Variants in MSR1 observed in about 807,000 individuals in gnomAD.
The protein encoded by MSR1 is macrophage scavenger receptor types I and II.
In MSR1, 53 loss-of-function variants were observed where a neutral mutation model predicts 47.2. The observed-to-expected ratio is 1.12, with a 90% confidence interval of 0.90 to 1.41. The LOEUF is 1.41. Ranked by LOEUF, MSR1 falls within the 40% of genes most tolerant of loss-of-function variation. MSR1 has a pLI of 0.00. For missense variants in MSR1, 786 were observed against 546.9 expected (o/e 1.44, Z -4.36); for synonymous variants, 239 against 185.6 (o/e 1.29, Z -2.34).
At chr8:16,171,962 C>A (rs1563165084) in intron 3 of MSR1, among the ~76,000 whole-genome samples, 1 of 152,132 alleles carries the variant, frequency 6.6e-6, no homozygotes, top group Non-Finnish European at 1.5e-5. Flanking sequence ...CACTTCCTGG[C>A]ATGTAATAAG....
chr8:16,170,323 G>A (rs950134248), intron 3 of MSR1, among the ~76,000 whole-genome samples: 17 of 149,114 alleles, frequency 1.1e-4, no homozygotes, highest in Admixed American at 5.4e-4. Flanking sequence ...ACTCCAGCCT[G>A]GGCAACAGAG....
chr8:16,109,946 TATTA>T lies in MSR1; in HGVS notation c.*135_*138del. On this transcript the variant is annotated 3_prime_UTR_variant, in exon 10 of 10. Coordinates refer to ENST00000262101, the MANE Select transcript of MSR1 (RefSeq NM_138715.3). ...ATAGTAAGCATGAAGGTGTTCAATA[TATTA>T]ATCCTGTAATCTAAAATATTATTTG... 1.0e-6 allele frequency: 1 copy of T among 1,002,430 alleles called. No individual in the cohort carries two copies. The allele number at this position is 1,002,430 out of a possible 1,614,324, so 62.1% of individuals were successfully genotyped here.
chr8:16,165,778 G>A (rs755838501), intron 4 of MSR1, among the ~76,000 whole-genome samples: 2 of 152,102 alleles, frequency 1.3e-5, no homozygotes, highest in African/African-American at 2.4e-5. Flanking sequence ...TGTGCGTCTA[G>A]ATTTGCCTCT....
chr8:16,179,604 G>A (rs184263841), intron 1 of MSR1, among the ~76,000 whole-genome samples: 410 of 152,108 alleles, frequency 2.7e-3, no homozygotes, highest in African/African-American at 9.1e-3. Context: ...TATTGGCCGG[G>A]CACAGTGGCT....
intron 3 of MSR1, among the ~76,000 whole-genome samples, chr8:16,173,749 C>T (rs775408872): frequency 4.6e-5 from 7 of 152,124 alleles, no homozygotes; most frequent in Non-Finnish European, 8.8e-5. Flanking sequence ...CCTGGGTTCA[C>T]GCCATTCTCC....
chr8:16,143,497 T>G, intron 8 of MSR1, 61 bp downstream of exon 8: 1 of 1,450,860 alleles, frequency 6.9e-7, no homozygotes, highest in South Asian at 1.1e-5. Context: ...CCCAGATCTC[T>G]AGTATCACAG....
chr8:16,188,747 T>TGAGA (rs1430063442), intron 1 of MSR1, among the ~76,000 whole-genome samples: 1 of 151,990 alleles, frequency 6.6e-6, no homozygotes, highest in African/African-American at 2.4e-5. Flanking sequence ...CACTTATGAG[T>TGAGA]GAGAACATGC....
At chr8:16,119,307 C>G (rs1270313281) in intron 9 of MSR1, among the ~76,000 whole-genome samples, 1 of 151,746 alleles carries the variant, frequency 6.6e-6, no homozygotes, top group Non-Finnish European at 1.5e-5. Context: ...CTCACTGCAA[C>G]CTCCACCTCC....
chr8:16,141,420 T>C (rs1301786784), intron 8 of MSR1, among the ~76,000 whole-genome samples: 1 of 152,168 alleles, frequency 6.6e-6, no homozygotes, highest in Admixed American at 6.6e-5. Flanking sequence ...AATGGCTATA[T>C]TATGGTGATT....
At chr8:16,191,270 G>C (rs968277928) in intron 1 of MSR1, among the ~76,000 whole-genome samples, 2 of 152,084 alleles carry the variant, frequency 1.3e-5, no homozygotes, top group African/African-American at 4.8e-5. Context: ...ATTCATCCTT[G>C]GTAGCAAAGA....
chr8:16,189,770 T>C (rs1410004883), intron 1 of MSR1, among the ~76,000 whole-genome samples: 6 of 133,706 alleles, frequency 4.5e-5, no homozygotes, highest in African/African-American at 1.6e-4. Flanking sequence ...ATTTTATATA[T>C]ATATAAAATC....
chr8:16,131,441 GTTTTTTTTTTTT>G (rs56321577), intron 8 of MSR1, among the ~76,000 whole-genome samples: 23 of 54,690 alleles, frequency 4.2e-4, no homozygotes, highest in African/African-American at 1.6e-3. Flanking sequence ...TCTGTTGATA[GTTTTTTTTTTTT>G]TTTTTTTTTT....
intron 6 of MSR1, among the ~76,000 whole-genome samples, chr8:16,150,976 T>C (rs7812618): frequency 0.04 from 6,108 of 151,716 alleles, 433 homozygotes; most frequent in African/African-American, 0.14. Context: ...AAAATGGCTA[T>C]TTTTTTTACC....
At chr8:16,172,471 A>C (rs1801513632) in intron 3 of MSR1, among the ~76,000 whole-genome samples, 1 of 152,114 alleles carries the variant, frequency 6.6e-6, no homozygotes, top group East Asian at 1.9e-4. Context: ...AAGTTCACTT[A>C]TTTTTATTGG....
chr8:16,184,675 A>G (rs1801942328), intron 1 of MSR1, among the ~76,000 whole-genome samples: 1 of 152,202 alleles, frequency 6.6e-6, no homozygotes, highest in South Asian at 2.1e-4. Context: ...CTTTGGCAGT[A>G]GTGACCTGGA....
At chr8:16,137,302 A>G (rs1800414325) in intron 8 of MSR1, among the ~76,000 whole-genome samples, 1 of 152,150 alleles carries the variant, frequency 6.6e-6, no homozygotes, top group South Asian at 2.1e-4. Context: ...ACAAACAAAT[A>G]AAGAATAACT....
intron 1 of MSR1, among the ~76,000 whole-genome samples, chr8:16,180,610 C>G (rs983857140): frequency 1.3e-5 from 2 of 152,172 alleles, no homozygotes; most frequent in African/African-American, 4.8e-5. Context: ...TAGCACAGCA[C>G]AGTTCTAACT....
intron 8 of MSR1, among the ~76,000 whole-genome samples, chr8:16,121,406 T>A (rs1338011453): frequency 6.6e-6 from 1 of 152,052 alleles, no homozygotes; most frequent in Admixed American, 6.6e-5. Context: ...AAGATTTACA[T>A]AAATATGAAA....
chr8:16,178,913 TAATA>T (rs1421123825), intron 1 of MSR1, among the ~76,000 whole-genome samples: 1 of 152,192 alleles, frequency 6.6e-6, no homozygotes, highest in Non-Finnish European at 1.5e-5. Context: ...ACACAATCTG[TAATA>T]AATAACATTT....
Sources: gnomAD v4.1 joint callset for allele counts (sites outside exome capture counted in the v4.1 genomes callset) on GRCh38, gnomAD v4.1.1 for gene constraint, MANE v1.5 for transcripts, NCBI Gene and HGNC (gene_info 2026-07-23, HGNC 2026-07-21) for gene names.